The following NR0B1 variants were observed in gnomAD, a reference collection of about 807,000 sequenced individuals.
NR0B1 encodes nuclear receptor subfamily 0 group B member 1.
Under a neutral mutation model 23.0 loss-of-function variants are expected in NR0B1, and 3 were observed. The observed-to-expected ratio is 0.13, with a 90% CI of 0.06 to 0.34. The LOEUF is 0.34. Among genes scored for constraint, NR0B1 ranks in the 10% least tolerant of loss-of-function variants. The pLI is 1.00. For synonymous variants in NR0B1, 205 were observed against 184.0 expected (o/e 1.11, Z -0.92); for missense variants, 350 against 402.9 (o/e 0.87, Z 1.12).
At position 30,308,985 on chromosome X, in the gene NR0B1, C is replaced by T. The variant is rs766116884; in HGVS notation, c.379G>A (p.Ala127Thr). The T allele has an allele frequency of 2.3e-4, 274 of 1,208,930 alleles. 2 individuals are homozygous for T. In the East Asian group the frequency reaches 8.0e-3, roughly 35 times the overall value. Residue 127 changes from alanine to threonine, a missense_variant, in exon 1 of 2, where the codon GCA (alanine) becomes ACA (threonine). Transcript: ENST00000378970. ...CAAAAGCAGCAGCGGTACAGGAGTG[C>T]CACGGGCCGCCCACCCGGAAGCCCC... ...RAGLPGGRPV[A>T]LLYRCCFCGE...
intron 1 of NR0B1, among the ~76,000 whole-genome samples, chrX:30,305,214 A>G (rs1037225567): frequency 1.8e-5 from 2 of 112,734 alleles, no homozygotes; most frequent in African/African-American, 6.4e-5. Flanking sequence ...ATGATAAACA[A>G]GAAGTGTTGC....
chrX:30,309,220 C>T lies in NR0B1; in HGVS notation c.144G>A (p.Gly48=). ...CWGCSCGDEP[G]VGREGLLGGR... is the part of the protein sequence containing the mutation. ...CGCCCAGCAGCCCCTCTCTGCCCAC[C>T]CCGGGCTCATCGCCGCACGAACAGC... is the stretch of plus-strand genomic sequence containing the variant. Residue 48 remains glycine, a synonymous_variant, in exon 1 of 2, where the codon GGG becomes GGA. Coordinates refer to ENST00000378970, the MANE Select transcript of NR0B1 (RefSeq NM_000475.5). 1 of 1,170,606 alleles carries T rather than the reference C, an allele frequency of 8.5e-7. No individual in the cohort carries two copies. Among genetic ancestry groups the T allele is most frequent in the Non-Finnish European group, 1.2e-6 (1 of 865,471 alleles).
In NR0B1 at chrX:30,304,480, G is replaced by A. The variant is rs1926483631; in HGVS notation, c.*99C>T. ...AATACTCTGCATGTAAAAATATTAA[G>A]AAAGTTTATTTTAAAATATTTTACA... is the stretch of plus-strand genomic sequence containing the variant. On this transcript the variant is annotated 3_prime_UTR_variant, in exon 2 of 2. Transcript: ENST00000378970. The A allele has an allele frequency of 1.1e-6, 1 of 949,083 alleles. No homozygotes were observed. Among genetic ancestry groups the A allele is most frequent in the African/African-American group, 2.0e-5 (1 of 50,964 alleles). The allele number at this position is 949,083 out of a possible 1,213,427, so 78.2% of individuals were successfully genotyped here.
chrX:30,308,352 T>C lies in NR0B1; in HGVS notation c.1012A>G (p.Thr338Ala). The C allele has an allele frequency of 6.6e-6, 8 of 1,211,594 alleles. No individual in the cohort carries two copies. The highest frequency in any genetic ancestry group is 7.8e-6 in the Non-Finnish European group (7 of 895,271). The change falls in exon 1 of 2, where the codon ACG becomes GCG. Residue 338 changes from threonine to alanine, a missense_variant. Physicochemically the swap from Thr to Ala is moderately conservative, Grantham distance 58. Coordinates refer to ENST00000378970, the MANE Select transcript of NR0B1 (RefSeq NM_000475.5). ...TGGNEPLPVP[T>A]LQHHLAPPAE... Reference sequence around the variant, plus strand: ...GGCGGTGCCAAATGGTGCTGCAGCGTGGGCACGGGCAGTGGCTCGTTGCCC... The same window carrying C: ...GGCGGTGCCAAATGGTGCTGCAGCGCGGGCACGGGCAGTGGCTCGTTGCCC...
chrX:30,306,616 T>TGTGTGTGTGTGTG (rs1569268357), intron 1 of NR0B1, among the ~76,000 whole-genome samples: 2 of 105,785 alleles, frequency 1.9e-5, no homozygotes, highest in Non-Finnish European at 3.9e-5. Flanking sequence ...TGTGTGTGTG[T>TGTGTGTGTGTGTG]TAAAAGTATA....
At position 30,308,353 on chromosome X, in the gene NR0B1, G is replaced by C; in HGVS notation, c.1011C>G (p.Pro337=). ...ETGGNEPLPV[P]TLQHHLAPPA... is the part of the protein sequence containing the mutation. ...GCGGTGCCAAATGGTGCTGCAGCGT[G>C]GGCACGGGCAGTGGCTCGTTGCCCC... Residue 337 remains proline, a synonymous_variant, in exon 1 of 2, where the codon CCC becomes CCG. Transcript: ENST00000378970. The C allele has an allele frequency of 8.3e-7, 1 of 1,211,421 alleles. No homozygotes were observed. Among genetic ancestry groups the C allele is most frequent in the Non-Finnish European group, 1.1e-6 (1 of 895,128 alleles).
chrX:30,309,375 C>T lies in NR0B1; in HGVS notation c.-12G>A, dbSNP rs1926608389. On this transcript the variant is annotated 5_prime_UTR_variant, in exon 1 of 2. Transcript: ENST00000378970. ...TTCTCGCCCGCCATGGCCCGCGGCG[C>T]CCGTAGCCCAGTTCTGCCCAGTGGC... The T allele has an allele frequency of 1.7e-6, 2 of 1,192,364 alleles. No individual in the cohort carries two copies. The highest frequency in any genetic ancestry group is 2.2e-6 in the Non-Finnish European group (2 of 890,473).
intron 1 of NR0B1, among the ~76,000 whole-genome samples, chrX:30,306,092 A>T (rs1428881571): frequency 9.0e-6 from 1 of 111,702 alleles, no homozygotes; most frequent in Non-Finnish European, 1.9e-5. Flanking sequence ...CTTGAGATCC[A>T]GGCTTAAGAC....
intron 1 of NR0B1, among the ~76,000 whole-genome samples, chrX:30,306,496 T>C (rs867341970): frequency 8.9e-6 from 1 of 111,949 alleles, no homozygotes; most frequent in Non-Finnish European, 1.9e-5. Context: ...TAGGTACATT[T>C]GTGTTTCAAA....
intron 1 of NR0B1, chrX:30,305,937 T>C: frequency 8.4e-6 from 3 of 355,643 alleles, no homozygotes; most frequent in Non-Finnish European, 1.5e-5. Context: ...TTTAAAAAAA[T>C]AATAATGGTA....
intron 1 of NR0B1, among the ~76,000 whole-genome samples, chrX:30,306,577 A>ATGTGTGTG (rs58777171): frequency 0.04 from 3,712 of 92,250 alleles, 91 homozygotes; most frequent in East Asian, 0.14. Flanking sequence ...ATAAGGAAGA[A>ATGTGTGTG]TGTGTGTGTG....
Position 30,308,674 on chromosome X carries a change from C to T in NR0B1, c.690G>A (p.Arg230=). Residue 230 remains arginine, a synonymous_variant, in exon 1 of 2, where the codon CGG becomes CGA. Coordinates refer to ENST00000378970, the MANE Select transcript of NR0B1 (RefSeq NM_000475.5). ...TNQAQAAPEE[R]PRAPWWDTSS... is the part of the protein sequence containing the mutation. ...AGGTGTCCCACCAGGGGGCCCTCGG[C>T]CGCTCCTCCGGAGCCGCCTGCGCTT... The T allele has an allele frequency of 8.3e-7, 1 of 1,201,151 alleles. No homozygotes were observed.
chrX:30,309,336 C>A lies in NR0B1; in HGVS notation c.28G>T (p.Gly10Cys), dbSNP rs1601792962. MAGENHQWQ[G>C]SILYNMLMSA... ...ATAAGCATGTTGTAGAGGATGCTGC[C>A]CTGCCACTGGTGGTTCTCGCCCGCC... Residue 10 changes from glycine (G) to cysteine (C), a missense_variant, in exon 1 of 2, where the codon GGC (glycine) becomes TGC (cysteine). By Grantham distance (159) the Gly-to-Cys change is radical. Transcript: ENST00000378970. The A allele has an allele frequency of 8.3e-7, 1 of 1,203,097 alleles. No homozygotes were observed. The highest frequency in any genetic ancestry group is 1.1e-6 in the Non-Finnish European group (1 of 894,247).
rs746854461 is a variant in NR0B1 at position 30,305,237 on chromosome X, G to GT, written c.1169-415dup. 2.7e-5 allele frequency among the ~76,000 whole-genome samples: 3 copies of GT among 112,579 alleles called. No individual in the cohort carries two copies. The East Asian group carries it at 8.3e-4, about 31-fold the overall frequency. ...CAAGAAGTGTTGCCATGAGACAAATGTTTTTACCATTCTTCTTTGAACTTT... is the reference window on the plus strand; with the variant it reads ...CAAGAAGTGTTGCCATGAGACAAATGTTTTTTACCATTCTTCTTTGAACTTT... On this transcript the variant is annotated intron_variant, in intron 1 of 1. Transcript: ENST00000378970.
chrX:30,307,867 T>A (rs62586603), intron 1 of NR0B1, among the ~76,000 whole-genome samples: 17,303 of 111,814 alleles, frequency 0.15, 1,010 homozygotes, highest in Non-Finnish European at 0.18. Flanking sequence ...AGATATGCTC[T>A]GGACTTAAAA....
At position 30,309,131 on chromosome X, in the gene NR0B1, C is replaced by G; in HGVS notation, c.233G>C (p.Ser78Thr). 1 of 1,198,388 alleles carries G rather than the reference C, an allele frequency of 8.3e-7. No individual in the cohort carries two copies. Among genetic ancestry groups the G allele is most frequent in the Non-Finnish European group, 1.1e-6 (1 of 890,444 alleles). ...GCTCGTCAGCATGCTGTAGAGGATGCTGCCCTGCCGTGGGTGGTCTTTACC... is the reference window on the plus strand; with the variant it reads ...GCTCGTCAGCATGCTGTAGAGGATGGTGCCCTGCCGTGGGTGGTCTTTACC... ...FCGKDHPRQG[S>T]ILYSMLTSAK... The change falls in exon 1 of 2, where the codon AGC becomes ACC. Residue 78 changes from serine to threonine, a missense_variant. Physicochemically the swap from Ser to Thr is moderately conservative, Grantham distance 58. Transcript: ENST00000378970.
rs753698783 is a variant in NR0B1 at position 30,308,666 on chromosome X, G to A, written c.698C>T (p.Ala233Val). 2.5e-6 allele frequency: 3 copies of A among 1,201,376 alleles called. No homozygotes were observed. Among genetic ancestry groups the A allele is most frequent in the Admixed American group, 2.2e-5 (1 of 45,021 alleles). ...ACCAGAGGAGGTGTCCCACCAGGGG[G>A]CCCTCGGCCGCTCCTCCGGAGCCGC... ...AQAAPEERPR[A>V]PWWDTSSGAL... The change falls in exon 1 of 2, where the codon GCC becomes GTC. Residue 233 changes from alanine (A) to valine (V), a missense_variant. Around this residue, in one of 2 missense-constraint regions of NR0B1, gnomAD observed 298 missense variants for 314.0 expected, o/e 0.95. Transcript: ENST00000378970.
intron 1 of NR0B1, among the ~76,000 whole-genome samples, chrX:30,307,688 G>T (rs992654299): frequency 9.0e-6 from 1 of 111,183 alleles, no homozygotes; most frequent in Non-Finnish European, 1.9e-5. Flanking sequence ...CTAGTGTCTT[G>T]TGTGTCCCTA....
chrX:30,304,743 T>C lies in NR0B1; in HGVS notation c.1249A>G (p.Met417Val). ...CTGTCATGGGGCCCTTGGTGCGTCA[T>C]CCTGGTGTGTTCACTGAGTATTTGC... ...TQQILSEHTR[M>V]THQGPHDRFI... The change falls in exon 2 of 2, where the codon ATG becomes GTG. Residue 417 changes from methionine to valine, a missense_variant. Physicochemically the swap from Met to Val is conservative, Grantham distance 21. Transcript: ENST00000378970. 8.3e-7 allele frequency: 1 copy of C among 1,211,518 alleles called. No individual in the cohort carries two copies. The highest frequency in any genetic ancestry group is 1.1e-6 in the Non-Finnish European group (1 of 895,148).
Sources: allele counts gnomAD v4.1 joint callset (sites outside exome capture counted in the v4.1 genomes callset), GRCh38; gene constraint gnomAD v4.1.1; regional missense constraint gnomAD v4.1.1; transcripts MANE v1.5; gene names NCBI Gene and HGNC (gene_info 2026-07-23, HGNC 2026-07-21).